Variants in MAP7D3 observed in about 807,000 individuals in gnomAD.
MAP7D3 encodes the protein MAP7 domain containing 3.
In MAP7D3, 45 loss-of-function variants were observed where a neutral mutation model predicts 62.2. That is an observed-to-expected ratio of 0.72 (90% CI 0.57 to 0.93). MAP7D3 has a LOEUF of 0.93. MAP7D3 is among the 40% of genes least tolerant of loss of function. MAP7D3 has a pLI of 0.00. For missense variants in MAP7D3, 711 were observed against 683.1 expected (o/e 1.04, Z -0.45); for synonymous variants, 288 against 248.8 (o/e 1.16, Z -1.48).
Position 136,251,368 on chromosome X carries a change from G to A in MAP7D3, c.-10C>T. On this transcript the variant is annotated 5_prime_UTR_variant, in exon 1 of 19. Transcript: ENST00000316077. ...CGCCGTCCGCCATCATCGGAGTCGGGACCGGAGGCGGTGGTGGCTCTCCGC... is the reference window on the plus strand; with the variant it reads ...CGCCGTCCGCCATCATCGGAGTCGGAACCGGAGGCGGTGGTGGCTCTCCGC... The A allele has an allele frequency of 3.6e-6, 4 of 1,112,259 alleles. No individual in the cohort carries two copies. Among genetic ancestry groups the A allele is most frequent in the Non-Finnish European group, 4.7e-6 (4 of 851,425 alleles). The allele number at this position is 1,112,259 out of a possible 1,213,427, so 91.7% of individuals were successfully genotyped here.
rs5930913 is a variant in MAP7D3, at chrX:136,250,438, A to G, written c.70+851T>C. 7.2e-4 allele frequency among the ~76,000 whole-genome samples: 80 copies of G among 111,727 alleles called. 1 individual carries two copies. Among genetic ancestry groups the G allele is most frequent in the Non-Finnish European group, 1.4e-3 (73 of 53,183 alleles). On this transcript the variant is annotated intron_variant, in intron 1 of 18. Transcript: ENST00000316077. ...ACCAAGCAATGTGCTGTCAAATTGT[A>G]TAAGATTAACGGTTTTCGAGGAGGG... is the stretch of plus-strand genomic sequence containing the variant.
At position 136,228,862 on chromosome X, in the gene MAP7D3, G is replaced by A. The variant is rs188365510; in HGVS notation, c.1751-104C>T. On this transcript the variant is annotated intron_variant, in intron 10 of 18. Transcript: ENST00000316077. ...AACATTAAAATATATATATATGTGCGTAGTCCAAAATTTATAAATCACAAG... is the reference window on the plus strand; with the variant it reads ...AACATTAAAATATATATATATGTGCATAGTCCAAAATTTATAAATCACAAG... 2.3e-4 allele frequency: 143 copies of A among 625,888 alleles called. 1 individual carries two copies. In the African/African-American group the frequency reaches 2.5e-3, roughly 11 times the overall value. The allele number at this position is 625,888 out of a possible 1,213,427, so 51.6% of individuals were successfully genotyped here.
intron 3 of MAP7D3, 39 bp downstream of exon 3, chrX:136,246,026 C>A: frequency 1.0e-6 from 1 of 984,995 alleles, no homozygotes; most frequent in South Asian, 2.1e-5. Context: ...ATATATAACA[C>A]AATTCATTTT....
chrX:136,256,200 G>C, upstream of MAP7D3: 1 of 1,134,980 alleles, frequency 8.8e-7, no homozygotes, highest in Non-Finnish European at 1.2e-6. Context: ...TGATGCCCGG[G>C]AAGAGTGATG....
At chrX:136,213,649 T>A (rs1459306075), downstream of MAP7D3, 1 of 111,515 alleles carries the variant, frequency 9.0e-6, no homozygotes, top group Non-Finnish European at 1.9e-5. Context: ...GTCTGTGACA[T>A]ACCCTGCAAG....
chrX:136,256,007 C>T, upstream of MAP7D3: 7 of 730,294 alleles, frequency 9.6e-6, no homozygotes, highest in Non-Finnish European at 1.1e-5. Context: ...TGCATGCAAA[C>T]TGCCACCACC....
At chrX:136,228,845 AATAT>A (rs768732820) in intron 10 of MAP7D3, 87 bp from the exon 11 acceptor site, 1 of 745,571 alleles carries the variant, frequency 1.3e-6, no homozygotes, top group Non-Finnish European at 1.9e-6. Flanking sequence ...AAAACATTAA[AATAT>A]ATATATATGT....
upstream of MAP7D3, chrX:136,256,301 T>C (rs1458429574): frequency 8.7e-7 from 1 of 1,155,156 alleles, no homozygotes; most frequent in East Asian, 3.3e-5. Context: ...GTTACAGACT[T>C]ACCTCGGGGG....
intron 1 of MAP7D3, among the ~76,000 whole-genome samples, chrX:136,247,530 G>A (rs1253314389): frequency 2.7e-5 from 3 of 110,430 alleles, no homozygotes; most frequent in Non-Finnish European, 3.8e-5. Flanking sequence ...TGCTACTGAG[G>A]GAGTTATTTT....
upstream of MAP7D3, among the ~76,000 whole-genome samples, chrX:136,253,807 G>A (rs927841354): frequency 3.6e-5 from 4 of 110,892 alleles, no homozygotes; most frequent in African/African-American, 1.3e-4. Flanking sequence ...GCCCAACATG[G>A]CGAAACACCA....
At chrX:136,232,280 C>A in intron 7 of MAP7D3, 60 bp from the exon 8 acceptor site, 1 of 789,947 alleles carries the variant, frequency 1.3e-6, no homozygotes, top group African/African-American at 2.1e-5. Flanking sequence ...AAAGGATGCA[C>A]CAGGTACACA....
intron 10 of MAP7D3, among the ~76,000 whole-genome samples, chrX:136,229,987 A>ATG: frequency 3.5e-5 from 2 of 57,819 alleles, no homozygotes; most frequent in Non-Finnish European, 6.3e-5. Flanking sequence ...ATATATATAT[A>ATG]TATATATTTT....
At chrX:136,239,967 G>A (rs1224768650) in intron 6 of MAP7D3, among the ~76,000 whole-genome samples, 1 of 111,502 alleles carries the variant, frequency 9.0e-6, no homozygotes. Context: ...CCAGCACTTT[G>A]GGAGGCCGAG....
intron 1 of MAP7D3, among the ~76,000 whole-genome samples, chrX:136,250,477 C>T (rs1317764458): frequency 1.8e-5 from 2 of 110,854 alleles, no homozygotes; most frequent in Admixed American, 1.9e-4. Context: ...AACGTTTTGG[C>T]GATGGGACTA....
chrX:136,230,291 C>A, intron 10 of MAP7D3, 94 bp downstream of exon 10: 1 of 510,846 alleles, frequency 2.0e-6, no homozygotes, highest in Non-Finnish European at 3.3e-6. Flanking sequence ...CCCTAAAGTT[C>A]TCTCAATTGG....
chrX:136,222,981 T>C (rs960946057), intron 14 of MAP7D3, among the ~76,000 whole-genome samples: 1 of 110,831 alleles, frequency 9.0e-6, no homozygotes, highest in Non-Finnish European at 1.9e-5. Context: ...GCTGGGACTA[T>C]AGGCATGTGC....
chrX:136,241,733 C>T (rs1343449564), intron 4 of MAP7D3, among the ~76,000 whole-genome samples: 1 of 110,670 alleles, frequency 9.0e-6, no homozygotes, highest in Non-Finnish European at 1.9e-5. Context: ...GAAAAATCAG[C>T]ACACATATAA....
chrX:136,244,717 C>A lies in MAP7D3; in HGVS notation c.332G>T (p.Arg111Ile). ...QYEKQMEERQ[R>I]KLKERKEKEE... is the part of the protein sequence containing the mutation. ...TTTCTCTTTTCGCTCCTTCAGCTTT[C>A]TCTGTCTTTCCTCCATCTGTTTTTC... The change falls in exon 4 of 19, where the codon AGA becomes ATA. Residue 111 changes from arginine (R) to isoleucine (I), a missense_variant. By Grantham distance (97) the Arg-to-Ile change is moderately conservative. Transcript: ENST00000316077. 8.3e-7 allele frequency: 1 copy of A among 1,205,272 alleles called. No individual in the cohort carries two copies. The highest frequency in any genetic ancestry group is 1.1e-6 in the Non-Finnish European group (1 of 889,926).
intron 14 of MAP7D3, among the ~76,000 whole-genome samples, chrX:136,223,070 G>A (rs1232532515): frequency 9.0e-6 from 1 of 111,083 alleles, no homozygotes; most frequent in Admixed American, 9.6e-5. Flanking sequence ...TTGAGCTCCT[G>A]GGCTCAAGAG....
Sources: gnomAD v4.1 joint callset for allele counts (sites outside exome capture counted in the v4.1 genomes callset) on GRCh38, gnomAD v4.1.1 for gene constraint, MANE v1.5 for transcripts, NCBI Gene and HGNC (gene_info 2026-07-23, HGNC 2026-07-21) for gene names.